Variants in ACBD6 observed in about 807,000 individuals in gnomAD.
ACBD6 encodes acyl-CoA binding domain containing 6.
In ACBD6, 28 loss-of-function variants were observed where a neutral mutation model predicts 37.2. The ratio of observed to expected loss-of-function variants is 0.75; its 90% CI spans 0.56 to 1.03. The LOEUF is 1.03. ACBD6 is among the 50% of genes least tolerant of loss of function. The pLI, the probability that ACBD6 is intolerant of heterozygous loss-of-function variation, is 0.00. For missense variants in ACBD6, 340 were observed against 337.4 expected (o/e 1.01, Z -0.06); for synonymous variants, 113 against 126.8 (o/e 0.89, Z 0.73).
chr1:180,387,903 C>T (rs976548947), intron 6 of ACBD6, among the ~76,000 whole-genome samples: 21 of 152,076 alleles, frequency 1.4e-4, no homozygotes, highest in Admixed American at 1.1e-3. Context: ...AAGCCGGGCA[C>T]GGTGGCTCAC....
At chr1:180,397,977 C>T (rs1407936075) in intron 5 of ACBD6, among the ~76,000 whole-genome samples, 1 of 151,968 alleles carries the variant, frequency 6.6e-6, no homozygotes, top group Non-Finnish European at 1.5e-5. Flanking sequence ...CGCTTGAACT[C>T]GGGAGGCGGA....
At chr1:180,297,486 C>G (rs527413525) in intron 7 of ACBD6, among the ~76,000 whole-genome samples, 1 of 152,118 alleles carries the variant, frequency 6.6e-6, no homozygotes, top group South Asian at 2.1e-4. Flanking sequence ...ATATTAATAT[C>G]TGATGAATGG....
chr1:180,397,464 T>G (rs1022699778), intron 6 of ACBD6, 52 bp downstream of exon 6: 1 of 1,479,538 alleles, frequency 6.8e-7, no homozygotes, highest in Non-Finnish European at 9.5e-7. Flanking sequence ...TTTTATGTTA[T>G]GCGAATTATA....
intron 6 of ACBD6, among the ~76,000 whole-genome samples, chr1:180,376,326 A>G (rs544928292): frequency 6.6e-6 from 1 of 152,352 alleles, no homozygotes; most frequent in Admixed American, 6.5e-5. Flanking sequence ...TTCCACTTAC[A>G]GGAATCTATC....
chr1:180,428,627 C>T (rs1427679702), intron 4 of ACBD6, among the ~76,000 whole-genome samples: 2 of 152,144 alleles, frequency 1.3e-5, no homozygotes, highest in Non-Finnish European at 2.9e-5. Flanking sequence ...CTGCTGTGAT[C>T]AGTCACGTCA....
At chr1:180,316,336 G>GCACAGA (rs1650803854) in intron 6 of ACBD6, among the ~76,000 whole-genome samples, 1 of 149,284 alleles carries the variant, frequency 6.7e-6, no homozygotes, top group African/African-American at 2.5e-5. Context: ...GCGTGAGTGC[G>GCACAGA]CACACACACA....
intron 3 of ACBD6, among the ~76,000 whole-genome samples, chr1:180,462,234 C>G (rs1571542972): frequency 1.3e-5 from 2 of 151,918 alleles, no homozygotes; most frequent in East Asian, 3.9e-4. Context: ...GAGACTCCGT[C>G]TCAAAAATAA....
intron 3 of ACBD6, among the ~76,000 whole-genome samples, chr1:180,434,626 T>G (rs150217046): frequency 5.4e-4 from 82 of 152,332 alleles, no homozygotes; most frequent in Middle Eastern, 3.4e-3. Context: ...ATAACTTAAC[T>G]CTCAACCAAC....
At chr1:180,395,168 T>TTC (rs1411159864) in intron 6 of ACBD6, among the ~76,000 whole-genome samples, 3 of 152,188 alleles carry the variant, frequency 2.0e-5, no homozygotes, top group African/African-American at 7.2e-5. Flanking sequence ...TTATGATACA[T>TTC]TCTCCTGGGA....
intron 2 of ACBD6, among the ~76,000 whole-genome samples, chr1:180,495,103 T>G (rs1651680939): frequency 6.6e-6 from 1 of 152,182 alleles, no homozygotes; most frequent in African/African-American, 2.4e-5. Flanking sequence ...TCTTCTGCCC[T>G]TCCCATCATT....
chr1:180,478,557 C>T (rs1247575563), intron 3 of ACBD6, among the ~76,000 whole-genome samples: 2 of 151,212 alleles, frequency 1.3e-5, no homozygotes, highest in African/African-American at 4.9e-5. Context: ...GGCACAATCT[C>T]GGCTCACTGC....
chr1:180,339,384 A>G (rs1651882152), intron 6 of ACBD6, among the ~76,000 whole-genome samples: 1 of 152,232 alleles, frequency 6.6e-6, no homozygotes, highest in Admixed American at 6.5e-5. Context: ...CTTTGTAGTG[A>G]CATGGATGAA....
chr1:180,294,406 C>A (rs995246459), intron 7 of ACBD6, among the ~76,000 whole-genome samples: 3 of 151,800 alleles, frequency 2.0e-5, no homozygotes, highest in African/African-American at 7.3e-5. Flanking sequence ...GGCATGGTGG[C>A]GCATTCCTAT....
intron 4 of ACBD6, among the ~76,000 whole-genome samples, chr1:180,417,236 C>T (rs1648136305): frequency 6.6e-6 from 1 of 152,144 alleles, no homozygotes; most frequent in Admixed American, 6.5e-5. Context: ...ACTGATCTAC[C>T]TGAAAGGGTT....
At chr1:180,360,056 T>C (rs377223487) in intron 6 of ACBD6, among the ~76,000 whole-genome samples, 3 of 152,180 alleles carry the variant, frequency 2.0e-5, no homozygotes, top group African/African-American at 7.2e-5. Context: ...AAGGCAGAAG[T>C]TTTGATAAAA....
chr1:180,309,064 G>A (rs1276984793), intron 7 of ACBD6, among the ~76,000 whole-genome samples: 5 of 152,064 alleles, frequency 3.3e-5, no homozygotes, highest in East Asian at 1.9e-4. Flanking sequence ...CATCTTATTC[G>A]TGTATTTCTA....
At chr1:180,361,789 GA>G (rs1652863017) in intron 6 of ACBD6, among the ~76,000 whole-genome samples, 1 of 152,064 alleles carries the variant, frequency 6.6e-6, no homozygotes, top group Non-Finnish European at 1.5e-5. Context: ...ATGTTATATG[GA>G]TTACATACAT....
rs564601636 is a variant in ACBD6, at chr1:180,353,135, ATCTTG to A, written c.664-38418_664-38414del. The stretch of plus-strand genomic sequence containing the variant: ...GAATGTATGCTCCAAAAGAACGTGA[ATCTTG>A]TCTTGTTTACTATAATTCTAATGCC... On this transcript the variant is annotated intron_variant, in intron 6 of 7. Coordinates refer to ENST00000367595, the MANE Select transcript of ACBD6 (RefSeq NM_032360.4). Among the ~76,000 whole-genome samples, 103 of 152,308 alleles carry A rather than the reference ATCTTG, an allele frequency of 6.8e-4. 1 individual carries two copies. The highest frequency in any genetic ancestry group is 2.4e-3 in the African/African-American group (99 of 41,576).
intron 2 of ACBD6, 114 bp from the exon 3 acceptor site, chr1:180,492,479 A>G: frequency 4.9e-6 from 4 of 815,196 alleles, no homozygotes; most frequent in South Asian, 4.3e-5. Flanking sequence ...ATATAGAGAT[A>G]ATAAGCTATG....
Sources: allele counts gnomAD v4.1 joint callset (sites outside exome capture counted in the v4.1 genomes callset), GRCh38; gene constraint gnomAD v4.1.1; transcripts MANE v1.5; gene names NCBI Gene and HGNC (gene_info 2026-07-23, HGNC 2026-07-21).